Variants in IL34 observed in about 807,000 individuals in gnomAD.
IL34 encodes interleukin 34, also known as interleukin-34.
In IL34, 17 loss-of-function variants were observed where a neutral mutation model predicts 25.3. The observed-to-expected ratio is 0.67, with a 90% confidence interval of 0.46 to 1.01. The LOEUF (loss-of-function observed/expected upper bound fraction) is 1.01. IL34 is among the 50% of genes least tolerant of loss of function. IL34 has a pLI of 0.00. For missense variants in IL34, 368 were observed against 312.9 expected (o/e 1.18, Z -1.33); for synonymous variants, 174 against 140.9 (o/e 1.23, Z -1.66).
intron 1 of IL34, among the ~76,000 whole-genome samples, chr16:70,604,453 C>T (rs1213918101): frequency 1.3e-5 from 2 of 152,132 alleles, no homozygotes; most frequent in Admixed American, 1.3e-4. Context: ...TCTCTAGGTC[C>T]CAAGTCAGGA....
chr16:70,641,132 G>T lies in IL34; in HGVS notation c.-400-5416G>T, dbSNP rs549166008. Among the ~76,000 whole-genome samples, 7 of 152,184 alleles carry T rather than the reference G, an allele frequency of 4.6e-5. No homozygotes were observed. The East Asian group carries it at 1.2e-3, about 25-fold the overall frequency. Reference sequence around the variant, plus strand: ...ACTAAACATACAAAAAAATCAGCCGGAAGTGGTGGTGCACGCCTGTAATCA... The same window carrying T: ...ACTAAACATACAAAAAAATCAGCCGTAAGTGGTGGTGCACGCCTGTAATCA... On this transcript the variant is annotated intron_variant, in intron 1 of 6. Coordinates refer to the IL34 transcript ENST00000429149.
chr16:70,603,791 A>G (rs931906202), intron 1 of IL34, among the ~76,000 whole-genome samples: 5 of 152,260 alleles, frequency 3.3e-5, no homozygotes, highest in South Asian at 2.1e-4. Context: ...CATGTTGCCC[A>G]GGCTGGTCTT....
At chr16:70,638,717 A>G (rs1325769861) in intron 1 of IL34, among the ~76,000 whole-genome samples, 1 of 152,034 alleles carries the variant, frequency 6.6e-6, no homozygotes, top group East Asian at 1.9e-4. Flanking sequence ...AGTACCTGGG[A>G]CTGTGGGTAT....
At chr16:70,615,622 A>G (rs983695921) in intron 1 of IL34, among the ~76,000 whole-genome samples, 1 of 152,166 alleles carries the variant, frequency 6.6e-6, no homozygotes, top group Non-Finnish European at 1.5e-5. Flanking sequence ...CTTTATGCAA[A>G]TGCAAGCATA....
chr16:70,614,373 G>T (rs2051142622), intron 1 of IL34, among the ~76,000 whole-genome samples: 1 of 152,158 alleles, frequency 6.6e-6, no homozygotes, highest in Non-Finnish European at 1.5e-5. Flanking sequence ...AAGCATGCTG[G>T]AAATGCAAGT....
chr16:70,624,364 C>T (rs890430553), intron 1 of IL34, among the ~76,000 whole-genome samples: 1 of 152,094 alleles, frequency 6.6e-6, no homozygotes, highest in Non-Finnish European at 1.5e-5. Context: ...CAAGGAATTG[C>T]AACTTTTTTT....
At position 70,591,936 on chromosome 16, in the gene IL34, T is replaced by A. The variant is rs924914189; in HGVS notation, c.-401+11887T>A. Among the ~76,000 whole-genome samples the A allele has an allele frequency of 1.3e-4, 19 of 150,796 alleles. No homozygotes were observed. The Middle Eastern group carries it at 0.011, about 84-fold the overall frequency. The stretch of plus-strand genomic sequence containing the variant: ...CTCCTTGCTGCTTGGAGGAGCAAAG[T>A]GCATTTGATCTTTCTCTTCTCACCA... On this transcript the variant is annotated intron_variant, in intron 1 of 6. Transcript: ENST00000429149.
intron 1 of IL34, among the ~76,000 whole-genome samples, chr16:70,627,796 CTG>C (rs938497575): frequency 5.3e-5 from 8 of 152,086 alleles, no homozygotes; most frequent in Admixed American, 4.6e-4. Flanking sequence ...ATTGGTTTTG[CTG>C]TGTTTTTTTA....
At chr16:70,602,582 G>GATGTGT (rs2050934168) in intron 1 of IL34, among the ~76,000 whole-genome samples, 1 of 92,912 alleles carries the variant, frequency 1.1e-5, no homozygotes, top group Non-Finnish European at 2.1e-5. Flanking sequence ...CTTTGGAATT[G>GATGTGT]ATGTGTGTGT....
In IL34 at chr16:70,651,296, G is replaced by C. The variant is rs974567627; in HGVS notation, c.29-3242G>C. 8.5e-5 allele frequency among the ~76,000 whole-genome samples: 13 copies of C among 152,176 alleles called. 1 individual carries two copies. The highest frequency in any genetic ancestry group is 2.9e-4 in the African/African-American group (12 of 41,436). On this transcript the variant is annotated intron_variant, in intron 1 of 5. Coordinates refer to ENST00000288098, the MANE Select transcript of IL34 (RefSeq NM_001393494.1). ...GCAGGGATGATCTTGACCTGCAAGA[G>C]TAGATGCTAAGCTGAGGGGTTCAGG... is the stretch of plus-strand genomic sequence containing the variant.
Position 70,654,668 on chromosome 16 carries a change from C to G in IL34, c.159C>G (p.Tyr53Ter). 1 of 1,602,622 alleles carries G rather than the reference C, an allele frequency of 6.2e-7. No homozygotes were observed. Among genetic ancestry groups the G allele is most frequent in the Non-Finnish European group, 8.5e-7 (1 of 1,171,122 alleles). The stretch of plus-strand genomic sequence containing the variant: ...TGCAGTACAGGAGCCGACTTCAGTA[C>G]ATGGTAACCACGTGGGCACCAGCTG... ...DKLQYRSRLQ[Y>*]MKHYFPINYK... Residue 53 changes from tyrosine (Y) to a stop codon, truncating the protein, a stop_gained, in exon 2 of 6, where the codon TAC (tyrosine) becomes TAG (stop). Transcript: ENST00000288098. LOFTEE classifies it high-confidence loss of function.
upstream of IL34, among the ~76,000 whole-genome samples, chr16:70,644,923 GGAGGAAGGAGGAA>G (rs779888150): frequency 0.12 from 8,711 of 74,790 alleles, 537 homozygotes; most frequent in South Asian, 0.24. Context: ...AGGAGAAGGA[GGAGGAAGGAGGAA>G]GAGGAGGAAG....
intron 1 of IL34, among the ~76,000 whole-genome samples, chr16:70,588,815 A>T (rs77057839): frequency 7.2e-5 from 11 of 152,186 alleles, no homozygotes; most frequent in Non-Finnish European, 1.5e-4. Context: ...TAAATACTGT[A>T]TGATTCTACT....
intron 1 of IL34, among the ~76,000 whole-genome samples, chr16:70,633,742 G>A (rs1567455129): frequency 6.6e-6 from 1 of 152,308 alleles, no homozygotes; most frequent in East Asian, 1.9e-4. Context: ...GGCTTGAGGG[G>A]AGGATCTTTT....
chr16:70,659,768 G>T lies in IL34; in HGVS notation c.538+15G>T, dbSNP rs1435737767. ...CTGCTCCTGCTGTAAGGAGCTCTCA[G>T]GGGATGGCGCCTGGGGGTGGGAGGC... On this transcript the variant is annotated intron_variant, in intron 5 of 5. Transcript: ENST00000288098. 1 of 1,586,438 alleles carries T rather than the reference G, an allele frequency of 6.3e-7. No homozygotes were observed. The highest frequency in any genetic ancestry group is 1.8e-5 in the Admixed American group (1 of 56,950).
chr16:70,654,707 G>C (rs775432757), intron 2 of IL34, 36 bp downstream of exon 2: 11 of 1,568,068 alleles, frequency 7.0e-6, no homozygotes, highest in South Asian at 4.7e-5. Context: ...CCCTGTCCCC[G>C]CGTCCCGGGG....
chr16:70,616,386 T>C (rs1327488233), intron 1 of IL34, among the ~76,000 whole-genome samples: 1 of 152,246 alleles, frequency 6.6e-6, no homozygotes, highest in Non-Finnish European at 1.5e-5. Context: ...ACCAATCTGA[T>C]AGGTGAAAAA....
At chr16:70,621,147 C>T (rs1567448064) in intron 1 of IL34, among the ~76,000 whole-genome samples, 1 of 151,958 alleles carries the variant, frequency 6.6e-6, no homozygotes, top group African/African-American at 2.4e-5. Flanking sequence ...GGTACTTGCC[C>T]CTGCCCCAGG....
upstream of IL34, among the ~76,000 whole-genome samples, chr16:70,642,401 G>T (rs192943217): frequency 2.7e-5 from 4 of 150,448 alleles, no homozygotes; most frequent in Non-Finnish European, 2.9e-5. Flanking sequence ...GAGTTCAAGC[G>T]ATTCTCCTGC....
Sources: gnomAD v4.1 joint callset for allele counts (sites outside exome capture counted in the v4.1 genomes callset) on GRCh38, gnomAD v4.1.1 for gene constraint, MANE v1.5 for transcripts, NCBI Gene and HGNC (gene_info 2026-07-23, HGNC 2026-07-21) for gene names.